Variants in ZNF362 observed in about 807,000 individuals in gnomAD.
ZNF362 encodes zinc finger protein 362, also known as rotund homolog.
Under a neutral mutation model 42.9 loss-of-function variants are expected in ZNF362, and 11 were observed. The ratio of observed to expected loss-of-function variants is 0.26; its 90% confidence interval spans 0.16 to 0.42. ZNF362 has a LOEUF of 0.42. Among genes scored for constraint, ZNF362 ranks in the 20% least tolerant of loss-of-function variants. ZNF362 has a pLI of 1.00. For synonymous variants in ZNF362, 255 were observed against 257.3 expected, an observed-to-expected ratio of 0.99 and a Z score of 0.09; for missense variants, 362 against 576.2, an observed-to-expected ratio of 0.63 and a Z score of 3.81.
At chr1:33,133,370 A>G in the ZNF362 span, among the ~76,000 whole-genome samples, 1 of 152,222 alleles carries the variant, frequency 6.6e-6, no homozygotes, top group Non-Finnish European at 1.5e-5. Context: ...CAGATCTGAT[A>G]GGGCCTTTCC....
chr1:33,165,299 C>T, the ZNF362 span: 4 of 560,464 alleles, frequency 7.1e-6, no homozygotes, highest in Middle Eastern at 4.8e-4. The surrounding 1 kb of genome is among the most constrained non-coding windows in gnomAD (Gnocchi z 4.0). Context: ...TTGAACTTCA[C>T]GGATGCCCTA....
the ZNF362 span, chr1:33,147,853 G>C: frequency 5.6e-6 from 6 of 1,066,494 alleles, no homozygotes; most frequent in Non-Finnish European, 8.0e-6. This position sits in a 1 kb window ranked among gnomAD's most constrained non-coding sequence, Gnocchi z 8.1. Flanking sequence ...GTGTGACCTT[G>C]AATACAAGTC....
chr1:33,235,846 C>G, the ZNF362 span, among the ~76,000 whole-genome samples: 1 of 152,214 alleles, frequency 6.6e-6, no homozygotes, highest in Non-Finnish European at 1.5e-5. Flanking sequence ...TTTGGTCAAG[C>G]AGCGGACCTT....
At chr1:33,190,173 C>T in the ZNF362 span, among the ~76,000 whole-genome samples, 87 of 152,284 alleles carry the variant, frequency 5.7e-4, no homozygotes, top group East Asian at 0.016. Context: ...TCAGTCTTCA[C>T]ATTACATGCT....
intron 6 of ZNF362, among the ~76,000 whole-genome samples, chr1:33,290,225 C>T (rs1379752723): frequency 6.6e-6 from 1 of 152,130 alleles, no homozygotes; most frequent in Non-Finnish European, 1.5e-5. Context: ...GGTATAACCC[C>T]ACAACAAGCC....
chr1:33,132,552 A>T, the ZNF362 span, among the ~76,000 whole-genome samples: 2 of 152,146 alleles, frequency 1.3e-5, no homozygotes, highest in African/African-American at 4.8e-5. Flanking sequence ...CTCAGTTCAG[A>T]TGCCACTTCT....
the ZNF362 span, among the ~76,000 whole-genome samples, chr1:33,192,682 A>C: frequency 6.6e-6 from 1 of 152,134 alleles, no homozygotes; most frequent in Non-Finnish European, 1.5e-5. Context: ...CAATGCTGAG[A>C]GTCATTGGTT....
In ZNF362 at chr1:33,270,551, A is replaced by G. The variant is rs200471440; in HGVS notation, c.-24A>G. ...TCAGGGAAAGCTCCGTAGAAGAGGG[A>G]ACACTTGAGCTGGGTCTTGAAGGAT... On this transcript the variant is annotated 5_prime_UTR_variant, in exon 2 of 9. Coordinates refer to ENST00000539719, the MANE Select transcript of ZNF362 (RefSeq NM_152493.3). 7.3e-6 allele frequency: 11 copies of G among 1,509,186 alleles called. No individual in the cohort carries two copies. The Admixed American group carries it at 1.7e-4, about 23-fold the overall frequency. The allele number at this position is 1,509,186 out of a possible 1,614,324, so 93.5% of individuals were successfully genotyped here.
the ZNF362 span, among the ~76,000 whole-genome samples, chr1:33,198,440 C>A: frequency 6.6e-6 from 1 of 152,094 alleles, no homozygotes; most frequent in Admixed American, 6.6e-5. Context: ...CCAAGGTGGG[C>A]AGATTGTTTG....
Position 33,280,451 on chromosome 1 carries a change from C to A in ZNF362, c.677C>A (p.Thr226Lys). 6.3e-7 allele frequency: 1 copy of A among 1,588,760 alleles called. No homozygotes were observed. The highest frequency in any genetic ancestry group is 8.6e-7 in the Non-Finnish European group (1 of 1,165,764). Reference protein sequence around the residue: ...ASGETAKEGKTYRCKVCPLTF... With the variant: ...ASGETAKEGKKYRCKVCPLTF... ...GGCGAGACTGCCAAGGAGGGCAAGA[C>A]GTACAGGTGGGGGTCTTGGCGGGAT... is the stretch of plus-strand genomic sequence containing the variant. The change falls in exon 5 of 9, where the codon ACG (threonine) becomes AAG (lysine). Residue 226 changes from threonine (T) to lysine (K), a missense_variant. By Grantham distance (78) the Thr-to-Lys change is moderately conservative. Transcript: ENST00000539719. This position sits in a 1 kb window ranked among gnomAD's most constrained non-coding sequence, Gnocchi z 5.6.
At chr1:33,282,637 C>T (rs1201661905) in intron 6 of ZNF362, among the ~76,000 whole-genome samples, 3 of 152,174 alleles carry the variant, frequency 2.0e-5, no homozygotes, top group South Asian at 4.1e-4. Context: ...GCCTGGCCAA[C>T]GTGGCGAAAC....
At chr1:33,159,731 C>T in the ZNF362 span, 1,173 of 1,612,102 alleles carry the variant, frequency 7.3e-4, 1 homozygote, top group Non-Finnish European at 8.4e-4. This position sits in a 1 kb window ranked among gnomAD's most constrained non-coding sequence, Gnocchi z 4.2. Flanking sequence ...GTGTGCCGGT[C>T]GGTTTCAGCC....
Position 33,294,812 on chromosome 1 carries a change from G to T in ZNF362, c.909-125G>T. On this transcript the variant is annotated intron_variant, in intron 6 of 8. Coordinates refer to ENST00000539719, the MANE Select transcript of ZNF362 (RefSeq NM_152493.3). The surrounding 1 kb of genome is among the most constrained non-coding windows in gnomAD (Gnocchi z 4.2). Reference sequence around the variant, plus strand: ...CCAGCTCTTGCCTGGGCTCACTCTTGGTCCTTGGGGAGCATGGGCAGGGTA... The same window carrying T: ...CCAGCTCTTGCCTGGGCTCACTCTTTGTCCTTGGGGAGCATGGGCAGGGTA... The T allele has an allele frequency of 9.8e-7, 1 of 1,015,864 alleles. No individual in the cohort carries two copies. The highest frequency in any genetic ancestry group is 1.5e-6 in the Non-Finnish European group (1 of 670,698). The allele number at this position is 1,015,864 out of a possible 1,614,324, so 62.9% of individuals were successfully genotyped here.
At chr1:33,291,122 G>T (rs1646074975) in intron 6 of ZNF362, among the ~76,000 whole-genome samples, 1 of 152,200 alleles carries the variant, frequency 6.6e-6, no homozygotes, top group South Asian at 2.1e-4. Context: ...TGGTGTTTTA[G>T]ACATGAAGTT....
Position 33,266,221 on chromosome 1 carries a change from T to G in ZNF362, c.-88-4266T>G, listed in dbSNP as rs1226376828. On this transcript the variant is annotated intron_variant, in intron 1 of 8. Coordinates refer to ENST00000539719, the MANE Select transcript of ZNF362 (RefSeq NM_152493.3). The surrounding 1 kb of genome is among the most constrained non-coding windows in gnomAD (Gnocchi z 4.3). ...TTAACAGTTTTCCAGCTTCTGCACA[T>G]GCTGCCCTTCTGCCGCAGTGGCTCT... Among the ~76,000 whole-genome samples, 2 of 152,220 alleles carry G rather than the reference T, an allele frequency of 1.3e-5. No homozygotes were observed. Among genetic ancestry groups the G allele is most frequent in the African/African-American group, 4.8e-5 (2 of 41,460 alleles).
intron 4 of ZNF362, among the ~76,000 whole-genome samples, chr1:33,278,921 G>A (rs368087732): frequency 1.9e-4 from 29 of 152,152 alleles, no homozygotes; most frequent in African/African-American, 6.0e-4. Context: ...ATTTTGTATG[G>A]ATATGTACAC....
the ZNF362 span, among the ~76,000 whole-genome samples, chr1:33,135,188 G>T: frequency 6.6e-6 from 1 of 152,196 alleles, no homozygotes; most frequent in Non-Finnish European, 1.5e-5. Context: ...TATTTGGGAG[G>T]CTGAGACAGG....
At chr1:33,212,864 T>C in the ZNF362 span, among the ~76,000 whole-genome samples, 2 of 152,146 alleles carry the variant, frequency 1.3e-5, no homozygotes, top group South Asian at 2.1e-4. Context: ...ATATGAGAAA[T>C]GAAAGCGTAC....
intron 4 of ZNF362, among the ~76,000 whole-genome samples, chr1:33,277,851 C>A (rs1645963211): frequency 6.6e-6 from 1 of 152,122 alleles, no homozygotes; most frequent in Non-Finnish European, 1.5e-5. Flanking sequence ...TGTCAAGGGG[C>A]TGGAGCCACC....
Sources: gnomAD v4.1 joint callset for allele counts (sites outside exome capture counted in the v4.1 genomes callset) on GRCh38, gnomAD v4.1.1 for gene constraint, Gnocchi (gnomAD v3.1) non-coding constraint, MANE v1.5 for transcripts, NCBI Gene and HGNC (gene_info 2026-07-23, HGNC 2026-07-21) for gene names.